Variants in EPM2A observed in about 807,000 individuals in gnomAD.
EPM2A encodes EPM2A glucan phosphatase, laforin.
In EPM2A, 21 loss-of-function variants were observed where a neutral mutation model predicts 26.5. The observed-to-expected ratio is 0.79, with a 90% CI of 0.56 to 1.14. The LOEUF (loss-of-function observed/expected upper bound fraction) is 1.14. Ranked by LOEUF, EPM2A falls within the 50% of genes most tolerant of loss-of-function variation. The pLI, the probability that EPM2A is intolerant of heterozygous loss-of-function variation, is 0.00. For missense variants in EPM2A, 458 were observed against 440.8 expected, an observed-to-expected ratio of 1.04 and a Z score of -0.35; for synonymous variants, 217 against 177.6, an observed-to-expected ratio of 1.22 and a Z score of -1.76.
At chr6:145,452,639 A>G (rs888543960) in intron 4 of EPM2A, among the ~76,000 whole-genome samples, 3 of 150,122 alleles carry the variant, frequency 2.0e-5, no homozygotes, top group African/African-American at 7.4e-5. Context: ...CAGTGAGCCG[A>G]GATCACGCCA....
At chr6:145,466,786 A>G (rs932776769) in intron 4 of EPM2A, among the ~76,000 whole-genome samples, 9 of 152,202 alleles carry the variant, frequency 5.9e-5, no homozygotes, top group Non-Finnish European at 1.0e-4. Context: ...AATGTGGCAT[A>G]TATACACCAT....
At position 145,654,237 on chromosome 6, in the gene EPM2A, C is replaced by T. The variant is rs560484395; in HGVS notation, c.477-18751G>A. Among the ~76,000 whole-genome samples the T allele has an allele frequency of 2.4e-3, 366 of 151,212 alleles. 5 individuals are homozygous for T. The highest frequency in any genetic ancestry group is 3.7e-3 in the Non-Finnish European group (254 of 67,948). On this transcript the variant is annotated intron_variant, in intron 2 of 3. Transcript: ENST00000367519. ...CAGAGTTTCACTCTTGTTGCCCAGACTAGAGCACAATCTTGGCTCACCGCA... is the reference window on the plus strand; with the variant it reads ...CAGAGTTTCACTCTTGTTGCCCAGATTAGAGCACAATCTTGGCTCACCGCA...
intron 2 of EPM2A, among the ~76,000 whole-genome samples, chr6:145,529,583 T>C (rs971202765): frequency 3.9e-5 from 6 of 152,210 alleles, no homozygotes; most frequent in African/African-American, 9.6e-5. Context: ...TAATAGAATA[T>C]AGTATAGTGT....
chr6:145,474,595 T>G (rs183006112), intron 4 of EPM2A, among the ~76,000 whole-genome samples: 2 of 152,014 alleles, frequency 1.3e-5, no homozygotes, highest in Non-Finnish European at 2.9e-5. Flanking sequence ...CCAAAAGCAA[T>G]GGCAACAAAA....
intron 4 of EPM2A, among the ~76,000 whole-genome samples, chr6:145,386,743 T>TAG (rs1398683297): frequency 6.6e-6 from 1 of 152,090 alleles, no homozygotes; most frequent in African/African-American, 2.4e-5. Flanking sequence ...TAAGTAGGTT[T>TAG]AGAGAGAGAT....
intron 4 of EPM2A, among the ~76,000 whole-genome samples, chr6:145,406,775 T>A (rs886105743): frequency 3.3e-5 from 5 of 152,136 alleles, no homozygotes; most frequent in Non-Finnish European, 5.9e-5. Context: ...GTTCTCAAAG[T>A]ATTGACCCCA....
intron 2 of EPM2A, among the ~76,000 whole-genome samples, chr6:145,531,199 G>C (rs946511721): frequency 6.6e-6 from 1 of 152,158 alleles, no homozygotes; most frequent in African/African-American, 2.4e-5. Context: ...TTGATCATTT[G>C]TGGGCAGGAT....
intron 1 of EPM2A, among the ~76,000 whole-genome samples, chr6:145,724,209 A>G (rs945222190): frequency 2.0e-5 from 3 of 152,146 alleles, no homozygotes; most frequent in Non-Finnish European, 4.4e-5. Context: ...TCCAAATTCT[A>G]TGAAACAATG....
chr6:145,521,394 G>A (rs186146541), intron 2 of EPM2A, among the ~76,000 whole-genome samples: 86 of 152,314 alleles, frequency 5.6e-4, no homozygotes, highest in Non-Finnish European at 7.9e-4. Context: ...ATTACCAGGC[G>A]ATACTTGAAA....
rs1425289884 is a variant in EPM2A at position 145,523,642 on chromosome 6, C to A, written c.341-21067G>T. ...CTTCACAGACTGACTGTTCTCTCAA[C>A]TCCCTCCCTCTTCTCCTGCCTTCCT... On this transcript the variant is annotated intron_variant, in intron 2 of 3. Coordinates refer to the EPM2A transcript ENST00000450221. Among the ~76,000 whole-genome samples the A allele has an allele frequency of 3.9e-5, 6 of 152,194 alleles. No homozygotes were observed. The East Asian group carries it at 1.2e-3, about 29-fold the overall frequency.
chr6:145,501,305 A>G (rs1042221504), downstream of EPM2A, among the ~76,000 whole-genome samples: 3 of 152,212 alleles, frequency 2.0e-5, no homozygotes, highest in Non-Finnish European at 2.9e-5. Flanking sequence ...GGGTCCAGCA[A>G]TATTCCTGGT....
intron 1 of EPM2A, among the ~76,000 whole-genome samples, chr6:145,707,266 C>T (rs1782275416): frequency 6.6e-6 from 1 of 152,106 alleles, no homozygotes; most frequent in African/African-American, 2.4e-5. Flanking sequence ...ACTAAAACTG[C>T]CATGATTTTG....
chr6:145,476,860 A>T (rs73560914), intron 4 of EPM2A, among the ~76,000 whole-genome samples: 1,687 of 152,118 alleles, frequency 0.011, 25 homozygotes, highest in African/African-American at 0.039. Flanking sequence ...AAAAACTTCA[A>T]ATAAACAATC....
At chr6:145,447,662 T>A (rs1779143671) in intron 4 of EPM2A, among the ~76,000 whole-genome samples, 1 of 152,104 alleles carries the variant, frequency 6.6e-6, no homozygotes, top group South Asian at 2.1e-4. Flanking sequence ...TACAAGAAAC[T>A]TCAAACATAC....
chr6:145,491,401 G>A (rs910788229), intron 4 of EPM2A, among the ~76,000 whole-genome samples: 2 of 151,280 alleles, frequency 1.3e-5, no homozygotes, highest in African/African-American at 4.8e-5. Flanking sequence ...GGGCCCTGTG[G>A]ACTCCATATC....
At chr6:145,564,001 T>C (rs984825423) in intron 2 of EPM2A, among the ~76,000 whole-genome samples, 1 of 152,218 alleles carries the variant, frequency 6.6e-6, no homozygotes, top group African/African-American at 2.4e-5. Flanking sequence ...TATTTGCATA[T>C]AATCTATGCA....
intron 2 of EPM2A, among the ~76,000 whole-genome samples, chr6:145,583,613 TAGG>T (rs2114838860): frequency 6.6e-6 from 1 of 152,248 alleles, no homozygotes; most frequent in South Asian, 2.1e-4. Flanking sequence ...AAGCACTTTG[TAGG>T]AGGAGTGGCA....
At chr6:145,672,840 T>C (rs1562471574) in intron 2 of EPM2A, among the ~76,000 whole-genome samples, 1 of 151,926 alleles carries the variant, frequency 6.6e-6, no homozygotes, top group Non-Finnish European at 1.5e-5. Context: ...AAGCCTTGTC[T>C]AGGAAAAAAA....
intron 2 of EPM2A, among the ~76,000 whole-genome samples, chr6:145,676,800 C>CA (rs1780076266): frequency 6.6e-6 from 1 of 152,058 alleles, no homozygotes; most frequent in South Asian, 2.1e-4. Flanking sequence ...GCATACCAAC[C>CA]AAAAAATATC....
Sources: gnomAD v4.1 joint callset for allele counts (sites outside exome capture counted in the v4.1 genomes callset) on GRCh38, gnomAD v4.1.1 for gene constraint, MANE v1.5 for transcripts, NCBI Gene and HGNC (gene_info 2026-07-23, HGNC 2026-07-21) for gene names.